RBFOX3: variants seen among roughly 807,000 people sequenced by gnomAD.
RBFOX3 encodes the protein RNA binding protein fox-1 homolog 3.
RBFOX3 carries 17 observed loss-of-function variants against 48.7 expected under a neutral mutation model. That is an observed-to-expected ratio of 0.35 (90% CI 0.24 to 0.52). The LOEUF is 0.52. Ranked by LOEUF, RBFOX3 falls within the 20% of genes least tolerant of loss-of-function variation. RBFOX3 has a pLI of 0.94. For missense variants in RBFOX3, 382 were observed against 497.5 expected (o/e 0.77, Z 2.21); for synonymous variants, 212 against 209.5 (o/e 1.01, Z -0.10).
intron 1 of RBFOX3, among the ~76,000 whole-genome samples, chr17:79,595,797 T>C (rs2093554969): frequency 6.6e-6 from 1 of 152,214 alleles, no homozygotes; most frequent in African/African-American, 2.4e-5. Flanking sequence ...CTGCAAAACA[T>C]AATTGTGAAG....
At chr17:79,661,027 G>A in the RBFOX3 span, among the ~76,000 whole-genome samples, 1 of 152,166 alleles carries the variant, frequency 6.6e-6, no homozygotes, top group South Asian at 2.1e-4. Flanking sequence ...ACTAACACAG[G>A]AACAGAAAAC....
At position 79,311,477 on chromosome 17, in the gene RBFOX3, C is replaced by A. The variant is rs1055067561; in HGVS notation, c.-174-3653G>T. Among the ~76,000 whole-genome samples the A allele has an allele frequency of 6.6e-6, 1 of 151,778 alleles. No individual in the cohort carries two copies. Reference sequence around the variant, plus strand: ...AAACAGACTGCAGCACCAATTCCTGCCTGAGGTTCCAGCCTGTCCACCCAT... The same window carrying A: ...AAACAGACTGCAGCACCAATTCCTGACTGAGGTTCCAGCCTGTCCACCCAT... On this transcript the variant is annotated intron_variant, in intron 2 of 14. Coordinates refer to ENST00000693108, the MANE Select transcript of RBFOX3 (RefSeq NM_001350451.2). This position sits in a 1 kb window ranked among gnomAD's most constrained non-coding sequence, Gnocchi z 4.2.
intron 2 of RBFOX3, among the ~76,000 whole-genome samples, chr17:79,358,954 G>T (rs1220531499): frequency 6.6e-6 from 1 of 152,166 alleles, no homozygotes; most frequent in Non-Finnish European, 1.5e-5. Context: ...CAGAGGGCTC[G>T]CGCAGAGCAG....
At chr17:79,474,501 G>A (rs1464280880) in intron 2 of RBFOX3, among the ~76,000 whole-genome samples, 4 of 152,232 alleles carry the variant, frequency 2.6e-5, no homozygotes, top group Admixed American at 6.5e-5. Flanking sequence ...AGCCCTTATC[G>A]CTGGGGGACT....
chr17:79,495,830 G>T (rs1298379828), intron 1 of RBFOX3, among the ~76,000 whole-genome samples: 1 of 151,628 alleles, frequency 6.6e-6, no homozygotes, highest in African/African-American at 2.4e-5. Context: ...GTGGTTGGGG[G>T]TGTAGGCGGT....
Position 79,471,916 on chromosome 17 carries a change from T to G in RBFOX3, c.-175+10538A>C, listed in dbSNP as rs1310703915. Among the ~76,000 whole-genome samples the G allele has an allele frequency of 1.3e-5, 2 of 152,164 alleles. No homozygotes were observed. Among genetic ancestry groups the G allele is most frequent in the African/African-American group, 4.8e-5 (2 of 41,436 alleles). On this transcript the variant is annotated intron_variant, in intron 2 of 14. Transcript: ENST00000693108. This position sits in a 1 kb window ranked among gnomAD's most constrained non-coding sequence, Gnocchi z 4.0. The stretch of plus-strand genomic sequence containing the variant: ...CCAAGCACATTATATCAAATACGCC[T>G]CAGGAAAACCCTTTATGGAAACCTA...
In RBFOX3 at chr17:79,214,022, G is replaced by A. The variant is rs1428668138; in HGVS notation, c.-34+21744C>T. 6.6e-6 allele frequency among the ~76,000 whole-genome samples: 1 copy of A among 152,206 alleles called. No individual in the cohort carries two copies. Among genetic ancestry groups the A allele is most frequent in the Admixed American group, 6.5e-5 (1 of 15,288 alleles). On this transcript the variant is annotated intron_variant, in intron 4 of 14. Coordinates refer to ENST00000693108, the MANE Select transcript of RBFOX3 (RefSeq NM_001350451.2). The surrounding 1 kb of genome is among the most constrained non-coding windows in gnomAD (Gnocchi z 4.7). The stretch of plus-strand genomic sequence containing the variant: ...AGACTTGGTTCCGTTTCCGAAGGTG[G>A]TGCCAGCGGATGTTGGGAGGCCCGG...
At chr17:79,461,900 T>A (rs1252253926) in intron 2 of RBFOX3, among the ~76,000 whole-genome samples, 1 of 152,192 alleles carries the variant, frequency 6.6e-6, no homozygotes, top group South Asian at 2.1e-4. Flanking sequence ...CCCCAGAAGG[T>A]GCAAGGGGCA....
At chr17:79,334,826 G>C (rs1192878721) in intron 2 of RBFOX3, among the ~76,000 whole-genome samples, 1 of 152,172 alleles carries the variant, frequency 6.6e-6, no homozygotes, top group Non-Finnish European at 1.5e-5. Context: ...AAACCACATC[G>C]AGCTGTGCCT....
intron 3 of RBFOX3, among the ~76,000 whole-genome samples, chr17:79,282,231 T>C (rs777486046): frequency 1.3e-5 from 2 of 152,056 alleles, no homozygotes; most frequent in African/African-American, 4.8e-5. Flanking sequence ...AACGAATCCA[T>C]GAGAAGGTTG....
At chr17:79,556,258 T>C (rs2091747562) in intron 1 of RBFOX3, among the ~76,000 whole-genome samples, 1 of 152,152 alleles carries the variant, frequency 6.6e-6, no homozygotes, top group African/African-American at 2.4e-5. Flanking sequence ...CAGTGAGCAC[T>C]TACTCTGGGC....
At chr17:79,250,803 C>T (rs1174261421) in intron 3 of RBFOX3, among the ~76,000 whole-genome samples, 1 of 145,932 alleles carries the variant, frequency 6.9e-6, no homozygotes, top group Non-Finnish European at 1.5e-5. Flanking sequence ...CTTTCCCTCC[C>T]TCCCTCCCTT....
chr17:79,317,605 G>A (rs1266294708), intron 2 of RBFOX3, among the ~76,000 whole-genome samples: 4 of 152,202 alleles, frequency 2.6e-5, no homozygotes, highest in South Asian at 2.1e-4. Context: ...TCCCCTGGAC[G>A]TGGTCTCAAA....
chr17:79,392,079 C>T lies in RBFOX3; in HGVS notation c.-174-84255G>A, dbSNP rs1306422798. ...GGGTTCCCATAGTGCCCGGGCACTTCGGACCCGCTGCGGGACCTTGGGCAA... is the reference window on the plus strand; with the variant it reads ...GGGTTCCCATAGTGCCCGGGCACTTTGGACCCGCTGCGGGACCTTGGGCAA... On this transcript the variant is annotated intron_variant, in intron 2 of 14. Coordinates refer to ENST00000693108, the MANE Select transcript of RBFOX3 (RefSeq NM_001350451.2). This position sits in a 1 kb window ranked among gnomAD's most constrained non-coding sequence, Gnocchi z 5.0. Among the ~76,000 whole-genome samples, 3 of 152,220 alleles carry T rather than the reference C, an allele frequency of 2.0e-5. No homozygotes were observed. The highest frequency in any genetic ancestry group is 2.1e-4 in the South Asian group (1 of 4,828).
chr17:79,645,383 A>T, the RBFOX3 span, among the ~76,000 whole-genome samples: 242 of 151,192 alleles, frequency 1.6e-3, no homozygotes, highest in African/African-American at 5.7e-3. Context: ...TGCCAAGCAC[A>T]CTTTGGCCAC....
At position 79,111,080 on chromosome 17, in the gene RBFOX3, G is replaced by T. The variant is rs1568148761; in HGVS notation, c.223-4292C>A. Among the ~76,000 whole-genome samples the T allele has an allele frequency of 6.6e-6, 1 of 152,256 alleles. No homozygotes were observed. The highest frequency in any genetic ancestry group is 1.5e-5 in the Non-Finnish European group (1 of 68,048). ...TATAGATGAGGTGGTCCAAATGGAA[G>T]ATCAGGGCAAGTGCGGGAGTTTCCG... is the stretch of plus-strand genomic sequence containing the variant. On this transcript the variant is annotated intron_variant, in intron 5 of 14. Coordinates refer to ENST00000693108, the MANE Select transcript of RBFOX3 (RefSeq NM_001350451.2). The surrounding 1 kb of genome is among the most constrained non-coding windows in gnomAD (Gnocchi z 4.2).
Position 79,139,138 on chromosome 17 carries a change from C to T in RBFOX3, c.-33-23390G>A, listed in dbSNP as rs568773808. ...CACACACGCACAGCACATGCGTTCA[C>T]GGTCCTGCCTTGGCATGCTCACACC... On this transcript the variant is annotated intron_variant, in intron 4 of 14. Transcript: ENST00000693108. Among the ~76,000 whole-genome samples, 40 of 152,276 alleles carry T rather than the reference C, an allele frequency of 2.6e-4. No individual in the cohort carries two copies. In the South Asian group the frequency reaches 7.3e-3, roughly 28 times the overall value.
chr17:79,382,590 C>T (rs118086319), intron 2 of RBFOX3, among the ~76,000 whole-genome samples: 5 of 152,306 alleles, frequency 3.3e-5, no homozygotes, highest in Non-Finnish European at 5.9e-5. Flanking sequence ...GGGAAGCCAA[C>T]CCTTGCGGTC....
intron 11 of RBFOX3, 88 bp downstream of exon 11, chr17:79,097,204 G>T: frequency 9.3e-7 from 1 of 1,071,568 alleles, no homozygotes; most frequent in Non-Finnish European, 1.3e-6. Context: ...AGGCTGCCTA[G>T]CCCCTCGCAC....
Sources: allele counts gnomAD v4.1 joint callset (sites outside exome capture counted in the v4.1 genomes callset), GRCh38; gene constraint gnomAD v4.1.1; non-coding constraint Gnocchi (gnomAD v3.1); transcripts MANE v1.5; gene names NCBI Gene and HGNC (gene_info 2026-07-23, HGNC 2026-07-21).